Variants in POFUT3 observed in about 807,000 individuals in gnomAD.
The protein encoded by POFUT3 is protein O-fucosyltransferase 3, also known as GDP-fucose protein O-fucosyltransferase 3.
chr8:33,348,170 C>CAAAA, the POFUT3 span, among the ~76,000 whole-genome samples: 1 of 95,074 alleles, frequency 1.1e-5, no homozygotes, highest in African/African-American at 3.7e-5. Flanking sequence ...GACTCTGCCT[C>CAAAA]AAAAAAAAAA....
chr8:33,309,018 G>A, the POFUT3 span, among the ~76,000 whole-genome samples: 1 of 150,500 alleles, frequency 6.6e-6, no homozygotes, highest in Non-Finnish European at 1.5e-5. Flanking sequence ...CTGGAGCCCA[G>A]GCTGTTGCTT....
the POFUT3 span, among the ~76,000 whole-genome samples, chr8:33,355,970 T>C: frequency 6.6e-6 from 1 of 152,260 alleles, no homozygotes; most frequent in South Asian, 2.1e-4. Context: ...TGATTTCCAA[T>C]TTCATCCATG....
the POFUT3 span, among the ~76,000 whole-genome samples, chr8:33,351,371 T>C: frequency 1.3e-5 from 2 of 152,182 alleles, no homozygotes; most frequent in Non-Finnish European, 2.9e-5. Flanking sequence ...TGAGGCCTAA[T>C]GAAAGGGGTT....
chr8:33,405,418 G>C, the POFUT3 span, among the ~76,000 whole-genome samples: 1 of 151,908 alleles, frequency 6.6e-6, no homozygotes, highest in African/African-American at 2.4e-5. Context: ...TGGTAGACTA[G>C]TAAGTGGCAC....
At chr8:33,430,630 C>T in the POFUT3 span, among the ~76,000 whole-genome samples, 1 of 152,140 alleles carries the variant, frequency 6.6e-6, no homozygotes, top group African/African-American at 2.4e-5. Flanking sequence ...CAAAGCTGTG[C>T]TCTTATTGCC....
chr8:33,408,041 C>T, the POFUT3 span, among the ~76,000 whole-genome samples: 6 of 149,844 alleles, frequency 4.0e-5, no homozygotes, highest in South Asian at 2.1e-4. Context: ...ACATAAAATC[C>T]GGCAGGGAAC....
At chr8:33,429,362 A>G in the POFUT3 span, among the ~76,000 whole-genome samples, 1 of 152,188 alleles carries the variant, frequency 6.6e-6, no homozygotes, top group Non-Finnish European at 1.5e-5. Context: ...TTATCTCTGC[A>G]AAGTATAGAA....
the POFUT3 span, among the ~76,000 whole-genome samples, chr8:33,344,885 C>T: frequency 6.6e-6 from 1 of 152,306 alleles, no homozygotes; most frequent in Non-Finnish European, 1.5e-5. Context: ...GGATAAGTCA[C>T]TTGTGCCTAA....
the POFUT3 span, among the ~76,000 whole-genome samples, chr8:33,332,502 G>A: frequency 1.5e-3 from 184 of 118,750 alleles, 1 homozygote; most frequent in African/African-American, 5.8e-3. Flanking sequence ...AAAAAAAAAA[G>A]AAGAAGAAGA....
the POFUT3 span, among the ~76,000 whole-genome samples, chr8:33,356,226 A>G: frequency 6.6e-6 from 1 of 152,216 alleles, no homozygotes; most frequent in African/African-American, 2.4e-5. Context: ...TTCTAGTTCT[A>G]GATCCCTGAG....
At chr8:33,345,584 A>G in the POFUT3 span, among the ~76,000 whole-genome samples, 5 of 150,910 alleles carry the variant, frequency 3.3e-5, no homozygotes, top group African/African-American at 9.7e-5. Context: ...TATTTTTAGT[A>G]GAGACAGGGT....
At chr8:33,465,444 AG>A in the POFUT3 span, among the ~76,000 whole-genome samples, 41 of 151,754 alleles carry the variant, frequency 2.7e-4, no homozygotes, top group Non-Finnish European at 4.3e-4. Context: ...AGAGAGAGAG[AG>A]AGAGTTGTTG....
At chr8:33,451,612 A>G in the POFUT3 span, 3 of 151,930 alleles carry the variant, frequency 2.0e-5, no homozygotes, top group Non-Finnish European at 4.4e-5. Flanking sequence ...GCATGTGTAT[A>G]TGTGTATATA....
At chr8:33,440,687 C>T in the POFUT3 span, among the ~76,000 whole-genome samples, 2 of 152,278 alleles carry the variant, frequency 1.3e-5, no homozygotes, top group African/African-American at 4.8e-5. Context: ...CAATGTTCTA[C>T]AATTTAATCT....
the POFUT3 span, among the ~76,000 whole-genome samples, chr8:33,388,022 A>G: frequency 1.3e-5 from 2 of 152,364 alleles, no homozygotes; most frequent in Middle Eastern, 3.4e-3. Flanking sequence ...AAACAAATAA[A>G]GTAAGCAAAC....
the POFUT3 span, among the ~76,000 whole-genome samples, chr8:33,440,188 C>A: frequency 5.3e-5 from 8 of 152,094 alleles, no homozygotes; most frequent in South Asian, 1.5e-3. Context: ...CATATTGAGA[C>A]CATGTCTCTG....
At chr8:33,423,375 C>T in the POFUT3 span, among the ~76,000 whole-genome samples, 379 of 152,172 alleles carry the variant, frequency 2.5e-3, 1 homozygote, top group African/African-American at 6.8e-3. Flanking sequence ...CTCAAGTGAT[C>T]CTCCTTCCTC....
At chr8:33,335,749 T>G in the POFUT3 span, among the ~76,000 whole-genome samples, 1 of 152,146 alleles carries the variant, frequency 6.6e-6, no homozygotes, top group South Asian at 2.1e-4. Context: ...TGTATTCTTA[T>G]AGAAAAGTCA....
the POFUT3 span, among the ~76,000 whole-genome samples, chr8:33,392,094 G>T: frequency 3.9e-5 from 6 of 152,034 alleles, no homozygotes; most frequent in South Asian, 1.2e-3. Context: ...AAAGTTAAAG[G>T]GACCTAGCCT....
Sources: gnomAD v4.1 joint callset for allele counts (sites outside exome capture counted in the v4.1 genomes callset) on GRCh38, gnomAD v4.1.1 for gene constraint, MANE v1.5 for transcripts, NCBI Gene and HGNC (gene_info 2026-07-23, HGNC 2026-07-21) for gene names.